Variants in EYS observed in about 807,000 individuals in gnomAD.
EYS encodes the protein protein eyes shut homolog.
Under a neutral mutation model 282.1 loss-of-function variants are expected in EYS, and 250 were observed. The ratio of observed to expected loss-of-function variants is 0.89; its 90% confidence interval spans 0.80 to 0.98. The LOEUF (loss-of-function observed/expected upper bound fraction) is 0.98. Ranked by LOEUF, EYS falls within the 50% of genes least tolerant of loss-of-function variation. The pLI, the probability that EYS is intolerant of heterozygous loss-of-function variation, is 0.00. For missense variants in EYS, 4,016 were observed against 3,709.0 expected, an observed-to-expected ratio of 1.08 and a Z score of -2.15; for synonymous variants, 1,355 against 1,282.9, an observed-to-expected ratio of 1.06 and a Z score of -1.20.
At chr6:64,391,991 A>C (rs1773169258) in intron 28 of EYS, among the ~76,000 whole-genome samples, 1 of 151,922 alleles carries the variant, frequency 6.6e-6, no homozygotes, top group African/African-American at 2.4e-5. Flanking sequence ...CTCTGATAAA[A>C]CAGACTTTAA....
At chr6:64,616,917 A>ATTTTTTTTTTTTTTTTTTTTTTTTTT in intron 24 of EYS, among the ~76,000 whole-genome samples, 1 of 152,096 alleles carries the variant, frequency 6.6e-6, no homozygotes, top group South Asian at 2.1e-4. Flanking sequence ...GTCAAATGCT[A>ATTTTTTTTTTTTTTTTTTTTTTTTTT]TTTTTTAATA....
intron 11 of EYS, among the ~76,000 whole-genome samples, chr6:65,316,004 A>C (rs1769285986): frequency 6.6e-6 from 1 of 152,184 alleles, no homozygotes; most frequent in South Asian, 2.1e-4. Flanking sequence ...CATTTCTCTG[A>C]CTACAAATAA....
intron 31 of EYS, among the ~76,000 whole-genome samples, chr6:64,200,283 G>T (rs1298231023): frequency 6.6e-6 from 1 of 152,106 alleles, no homozygotes; most frequent in Non-Finnish European, 1.5e-5. Context: ...TTTGCCAAAA[G>T]CTACAGAACT....
chr6:64,283,665 T>A (rs908344508), intron 30 of EYS, among the ~76,000 whole-genome samples: 13 of 152,154 alleles, frequency 8.5e-5, no homozygotes, highest in African/African-American at 3.1e-4. Context: ...GCTTCTGTAT[T>A]AGTCCGTTTT....
At chr6:64,742,669 G>T (rs1399801955) in intron 22 of EYS, among the ~76,000 whole-genome samples, 1 of 152,080 alleles carries the variant, frequency 6.6e-6, no homozygotes, top group Non-Finnish European at 1.5e-5. Context: ...GGGTTCACAG[G>T]TGCATACTTA....
chr6:65,458,676 T>C (rs1764714704), intron 5 of EYS, among the ~76,000 whole-genome samples: 1 of 152,140 alleles, frequency 6.6e-6, no homozygotes, highest in African/African-American at 2.4e-5. Flanking sequence ...ATCAAGTACA[T>C]GTAATGCATT....
intron 5 of EYS, among the ~76,000 whole-genome samples, chr6:65,486,450 A>T (rs1276425039): frequency 6.6e-6 from 1 of 152,196 alleles, no homozygotes; most frequent in Non-Finnish European, 1.5e-5. Context: ...CAGTTTCAAA[A>T]ATTTGATTAA....
At chr6:65,629,385 T>C (rs974173184) in intron 2 of EYS, among the ~76,000 whole-genome samples, 1 of 152,218 alleles carries the variant, frequency 6.6e-6, no homozygotes, top group African/African-American at 2.4e-5. Context: ...GGCTGCAATT[T>C]GATTCACTTC....
intron 22 of EYS, among the ~76,000 whole-genome samples, chr6:64,766,083 C>A (rs1215159457): frequency 5.3e-5 from 8 of 151,486 alleles, no homozygotes; most frequent in Non-Finnish European, 7.4e-5. Flanking sequence ...CATGCCATCA[C>A]ACCCAGCTAA....
chr6:64,047,005 C>T (rs1273442225), intron 33 of EYS, among the ~76,000 whole-genome samples: 1 of 152,140 alleles, frequency 6.6e-6, no homozygotes, highest in African/African-American at 2.4e-5. Context: ...TCATAATATG[C>T]TGTGCTAAGT....
intron 12 of EYS, among the ~76,000 whole-genome samples, chr6:65,215,930 C>A (rs1378769117): frequency 6.6e-6 from 1 of 152,118 alleles, no homozygotes; most frequent in Admixed American, 6.6e-5. Context: ...TATAATATTA[C>A]TGTGGACTTA....
At chr6:64,705,453 T>C (rs535839074) in intron 22 of EYS, among the ~76,000 whole-genome samples, 53 of 152,022 alleles carry the variant, frequency 3.5e-4, no homozygotes, top group African/African-American at 1.2e-3. Flanking sequence ...CCACCATCAT[T>C]CTTTACAGAA....
At chr6:65,491,830 A>C (rs1766056603) in intron 4 of EYS, among the ~76,000 whole-genome samples, 1 of 152,166 alleles carries the variant, frequency 6.6e-6, no homozygotes, top group Non-Finnish European at 1.5e-5. Context: ...TTAGAGAAGT[A>C]CGCAATTAAG....
chr6:65,686,290 C>T (rs1457074479), intron 1 of EYS, among the ~76,000 whole-genome samples: 1 of 152,030 alleles, frequency 6.6e-6, no homozygotes, highest in African/African-American at 2.4e-5. Flanking sequence ...TTAATTGATA[C>T]TGATGTCTAC....
At chr6:65,498,692 A>T (rs1376401417) in intron 2 of EYS, among the ~76,000 whole-genome samples, 1 of 152,042 alleles carries the variant, frequency 6.6e-6, no homozygotes, top group African/African-American at 2.4e-5. Flanking sequence ...ACATCTATTA[A>T]GTCAATGTAT....
chr6:64,807,909 C>T (rs559639954), intron 22 of EYS, among the ~76,000 whole-genome samples: 97 of 152,112 alleles, frequency 6.4e-4, no homozygotes, highest in African/African-American at 2.3e-3. Flanking sequence ...GACTATATGT[C>T]AGTGGTTCAT....
At chr6:64,954,411 G>A (rs1351274276) in intron 14 of EYS, among the ~76,000 whole-genome samples, 1 of 151,990 alleles carries the variant, frequency 6.6e-6, no homozygotes, top group Non-Finnish European at 1.5e-5. Context: ...CTTCCTTATT[G>A]ACTCAATTTG....
At chr6:64,463,784 T>C (rs546396636) in intron 26 of EYS, among the ~76,000 whole-genome samples, 3 of 152,264 alleles carry the variant, frequency 2.0e-5, no homozygotes, top group African/African-American at 7.2e-5. Context: ...AATAAGAAGA[T>C]TGAATCAGTA....
chr6:63,844,448 T>C (rs1772045833), intron 36 of EYS, among the ~76,000 whole-genome samples: 1 of 152,208 alleles, frequency 6.6e-6, no homozygotes. Context: ...TCCACAATGG[T>C]TGAACTAGTT....
Sources: allele counts gnomAD v4.1 joint callset (sites outside exome capture counted in the v4.1 genomes callset), GRCh38; gene constraint gnomAD v4.1.1; transcripts MANE v1.5; gene names NCBI Gene and HGNC (gene_info 2026-07-23, HGNC 2026-07-21).